Variants in GRIA4 observed in about 807,000 individuals in gnomAD.
GRIA4 encodes the protein glutamate ionotropic receptor AMPA type subunit 4.
GRIA4 carries 34 observed loss-of-function variants against 104.0 expected under a neutral mutation model. That is an observed-to-expected ratio of 0.33 (90% CI 0.25 to 0.44). The LOEUF (loss-of-function observed/expected upper bound fraction) is 0.44, where lower values mean the gene tolerates loss of function less well. GRIA4 is among the 20% of genes least tolerant of loss of function. GRIA4 has a pLI of 1.00. For synonymous variants in GRIA4, 386 were observed against 381.9 expected, an observed-to-expected ratio of 1.01 and a Z score of -0.13; for missense variants, 750 against 1,096.5, an observed-to-expected ratio of 0.68 and a Z score of 4.46.
In GRIA4 at chr11:105,717,856, TC is replaced by T. The variant is rs1434757887; in HGVS notation, c.248-35119del. Among the ~76,000 whole-genome samples, 48 of 86,946 alleles carry T rather than the reference TC, an allele frequency of 5.5e-4. No homozygotes were observed. In the East Asian group the frequency reaches 0.015, roughly 28 times the overall value. The allele number at this position is 86,946 out of a possible 152,430, so 57.0% of individuals were successfully genotyped here. The stretch of plus-strand genomic sequence containing the variant: ...TAGGTATATCTCCCAATGCTATCCC[TC>T]CCCCCTCCCCCCACCCCACAACAGT... On this transcript the variant is annotated intron_variant, in intron 3 of 16. Transcript: ENST00000282499.
intron 16 of GRIA4, among the ~76,000 whole-genome samples, chr11:105,976,621 T>C (rs563706896): frequency 3.3e-5 from 5 of 152,138 alleles, no homozygotes; most frequent in Non-Finnish European, 5.9e-5. Flanking sequence ...AAAACTTTCA[T>C]AAACTCTATG....
intron 14 of GRIA4, among the ~76,000 whole-genome samples, chr11:105,941,511 G>T (rs1052038568): frequency 1.3e-5 from 2 of 151,876 alleles, no homozygotes; most frequent in African/African-American, 4.8e-5. Context: ...ACACAAAGTC[G>T]TATTATATCC....
chr11:105,738,930 CA>C (rs1301890108), intron 3 of GRIA4, among the ~76,000 whole-genome samples: 18,993 of 80,576 alleles, frequency 0.24, 1,145 homozygotes, highest in South Asian at 0.31. Context: ...TAAAAAAAAA[CA>C]AAAAAAAAAA....
At chr11:105,793,103 G>T (rs1232760441) in intron 4 of GRIA4, among the ~76,000 whole-genome samples, 2 of 152,094 alleles carry the variant, frequency 1.3e-5, no homozygotes, top group Non-Finnish European at 2.9e-5. Context: ...AATACTTTGA[G>T]TCAGTTCAAG....
chr11:105,611,801 G>A (rs1950487974), intron 2 of GRIA4, among the ~76,000 whole-genome samples: 1 of 152,202 alleles, frequency 6.6e-6, no homozygotes, highest in South Asian at 2.1e-4. Flanking sequence ...CTCGTGGACT[G>A]TGCATAAAAC....
intron 16 of GRIA4, among the ~76,000 whole-genome samples, chr11:105,979,088 G>T (rs1859141069): frequency 6.6e-6 from 1 of 152,180 alleles, no homozygotes; most frequent in Admixed American, 6.5e-5. Flanking sequence ...AGTGTCTGTG[G>T]ATAGGTCTGT....
At chr11:105,917,865 C>A in intron 10 of GRIA4, among the ~76,000 whole-genome samples, 1 of 137,926 alleles carries the variant, frequency 7.3e-6, no homozygotes, top group African/African-American at 2.7e-5. Flanking sequence ...TAACTGAAAA[C>A]CGTCCAGTAA....
At chr11:105,964,649 A>G (rs1021998995) in intron 14 of GRIA4, among the ~76,000 whole-genome samples, 3 of 152,216 alleles carry the variant, frequency 2.0e-5, no homozygotes. Flanking sequence ...TCAGCATATG[A>G]GCCACTCCTT....
At chr11:105,712,592 T>C (rs1953948700) in intron 3 of GRIA4, among the ~76,000 whole-genome samples, 1 of 152,130 alleles carries the variant, frequency 6.6e-6, no homozygotes, top group Non-Finnish European at 1.5e-5. Context: ...CATTTCAGCC[T>C]ATCCTATTTT....
At chr11:105,852,404 TAAAA>T (rs1944844344) in intron 4 of GRIA4, among the ~76,000 whole-genome samples, 1 of 152,150 alleles carries the variant, frequency 6.6e-6, no homozygotes, top group Non-Finnish European at 1.5e-5. Flanking sequence ...TCATGACTAA[TAAAA>T]TCCTACATTA....
chr11:105,745,410 G>A (rs1171559853), intron 3 of GRIA4, among the ~76,000 whole-genome samples: 1 of 152,152 alleles, frequency 6.6e-6, no homozygotes, highest in Non-Finnish European at 1.5e-5. Context: ...CGGAGCAGGA[G>A]AATGTGTTTA....
chr11:105,656,909 T>G (rs1383803970), intron 3 of GRIA4, among the ~76,000 whole-genome samples: 1 of 152,060 alleles, frequency 6.6e-6, no homozygotes, highest in African/African-American at 2.4e-5. Flanking sequence ...ATGTACTTAT[T>G]AATTCAATAA....
intron 4 of GRIA4, among the ~76,000 whole-genome samples, chr11:105,850,139 G>A (rs1282241457): frequency 6.6e-6 from 1 of 152,048 alleles, no homozygotes; most frequent in Admixed American, 6.6e-5. Context: ...CTGACTAATT[G>A]CCACATTGTA....
intron 3 of GRIA4, among the ~76,000 whole-genome samples, chr11:105,699,391 T>C (rs1007638780): frequency 2.6e-5 from 4 of 152,126 alleles, no homozygotes; most frequent in African/African-American, 4.8e-5. Flanking sequence ...CATGACCACA[T>C]TGAAACTGGA....
Position 105,639,835 on chromosome 11 carries a change from T to C in GRIA4, c.247+27401T>C, listed in dbSNP as rs146648262. 3.7e-3 allele frequency among the ~76,000 whole-genome samples: 557 copies of C among 152,072 alleles called. 5 individuals carry two copies. The highest frequency in any genetic ancestry group is 0.013 in the African/African-American group (532 of 41,546). The stretch of plus-strand genomic sequence containing the variant: ...AGTAACCTTACTGATATAAAAGTAG[T>C]AACAAATCATAAACTTTGAATAGAG... On this transcript the variant is annotated intron_variant, in intron 3 of 16. Coordinates refer to ENST00000282499, the MANE Select transcript of GRIA4 (RefSeq NM_000829.4).
intron 10 of GRIA4, chr11:105,912,351 A>G: frequency 1.0e-6 from 1 of 975,514 alleles, no homozygotes; most frequent in Middle Eastern, 5.2e-4. Flanking sequence ...TTTAATGTGC[A>G]TTATAGGTAT....
At chr11:105,769,979 T>C (rs892394142) in intron 4 of GRIA4, among the ~76,000 whole-genome samples, 2 of 152,108 alleles carry the variant, frequency 1.3e-5, no homozygotes, top group African/African-American at 4.8e-5. Flanking sequence ...CTCATGGATT[T>C]CTACACCTAC....
rs868596101 is a variant in GRIA4 at position 105,812,983 on chromosome 11, C to T, written c.488-49041C>T. On this transcript the variant is annotated intron_variant, in intron 4 of 16. Coordinates refer to ENST00000282499, the MANE Select transcript of GRIA4 (RefSeq NM_000829.4). ...GGGCATAATGGTGGGCACCTGTAGTCCTCGGGAGGCTGAGGCAGGAAAATG... is the reference window on the plus strand; with the variant it reads ...GGGCATAATGGTGGGCACCTGTAGTTCTCGGGAGGCTGAGGCAGGAAAATG... 1.5e-4 allele frequency among the ~76,000 whole-genome samples: 22 copies of T among 151,220 alleles called. 1 individual carries two copies. The highest frequency in any genetic ancestry group is 2.6e-4 in the Admixed American group (4 of 15,174).
At position 105,739,144 on chromosome 11, in the gene GRIA4, C is replaced by T. The variant is rs1420743369; in HGVS notation, c.248-13837C>T. On this transcript the variant is annotated intron_variant, in intron 3 of 16. Transcript: ENST00000282499. ...TACTGCCAAGGAAGCCGTCTTTACA[C>T]TGAATGGAATCTTGCTCCTCGTGCT... Among the ~76,000 whole-genome samples the T allele has an allele frequency of 3.3e-5, 5 of 152,120 alleles. No individual in the cohort carries two copies. In the East Asian group the frequency reaches 9.6e-4, roughly 29 times the overall value.
Sources: gnomAD v4.1 joint callset for allele counts (sites outside exome capture counted in the v4.1 genomes callset) on GRCh38, gnomAD v4.1.1 for gene constraint, MANE v1.5 for transcripts, NCBI Gene and HGNC (gene_info 2026-07-23, HGNC 2026-07-21) for gene names.